Variants in TEX22 observed in about 807,000 individuals in gnomAD.
TEX22 encodes the protein testis-expressed protein 22.
TEX22 carries 16 observed loss-of-function variants against 11.3 expected under a neutral mutation model. The ratio of observed to expected loss-of-function variants is 1.42; its 90% CI spans 0.96 to 2.15. The LOEUF (loss-of-function observed/expected upper bound fraction) is 2.15, where lower values mean the gene tolerates loss of function less well. TEX22 is among the 30% of genes most tolerant of loss of function. TEX22 has a pLI of 0.00. For synonymous variants in TEX22, 97 were observed against 92.3 expected, an observed-to-expected ratio of 1.05 and a Z score of -0.29; for missense variants, 220 against 208.6, an observed-to-expected ratio of 1.05 and a Z score of -0.34.
intron 2 of TEX22, 43 bp from the exon 3 acceptor site, chr14:105,411,325 G>A: frequency 7.9e-7 from 1 of 1,270,250 alleles, no homozygotes; most frequent in Non-Finnish European, 9.9e-7. Flanking sequence ...GCGAAGGGGA[G>A]CTGGCGCCGA....
intron 3 of TEX22, 54 bp downstream of exon 3, chr14:105,411,550 G>A (rs1312369416): frequency 1.3e-5 from 6 of 472,972 alleles, no homozygotes; most frequent in Non-Finnish European, 1.2e-5. Context: ...CCGCCCCTCC[G>A]CCTCGCCTCC....
chr14:105,411,246 T>G lies in TEX22; in HGVS notation c.151-122T>G, dbSNP rs1434704160. On this transcript the variant is annotated intron_variant, in intron 2 of 3. Transcript: ENST00000451127. ...AGCTGGCGCTGGAGCAGCGGGAGGC[T>G]GAGCAGACGGCGCTTTAGAAAGCGC... 3.6e-6 allele frequency: 4 copies of G among 1,104,682 alleles called. No homozygotes were observed. The East Asian group carries it at 1.6e-4, about 43-fold the overall frequency. 68.4% of individuals were successfully genotyped at this position (1,104,682 alleles called of 1,614,324 possible).
chr14:105,402,578 C>T (rs587764673), intron 2 of TEX22, among the ~76,000 whole-genome samples: 4 of 151,658 alleles, frequency 2.6e-5, no homozygotes, highest in South Asian at 4.1e-4. Context: ...CACGGTGAAA[C>T]CCCGTCTCTA....
Position 105,399,361 on chromosome 14 carries a change from C to T in TEX22, c.21C>T (p.Ser7=), listed in dbSNP as rs781804069. ...TAGAGATGGACAGCAGGAAACTGTC[C>T]CCCCGGGGGAAGAAGCTGGAGTCGC... MDSRKL[S]PRGKKLESHL... Residue 7 remains serine (S), a synonymous_variant, in exon 2 of 4, where the codon TCC becomes TCT. Transcript: ENST00000451127. The T allele has an allele frequency of 3.3e-6, 5 of 1,535,580 alleles. No homozygotes were observed. The highest frequency in any genetic ancestry group is 1.4e-5 in the African/African-American group (1 of 73,010).
At chr14:105,399,745 A>G (rs587769837) in intron 2 of TEX22, among the ~76,000 whole-genome samples, 1 of 152,310 alleles carries the variant, frequency 6.6e-6, no homozygotes, top group African/African-American at 2.4e-5. Flanking sequence ...TTCCAAGGCC[A>G]GGAAGGAGGC....
Position 105,399,831 on chromosome 14 carries a change from G to A in TEX22, c.150+341G>A, listed in dbSNP as rs146271485. Among the ~76,000 whole-genome samples the A allele has an allele frequency of 7.2e-4, 110 of 152,006 alleles. 2 individuals are homozygous for A. The East Asian group carries it at 0.015, about 21-fold the overall frequency. On this transcript the variant is annotated intron_variant, in intron 2 of 3. Transcript: ENST00000451127. ...AAGGTGGCAAGAAGCGGGAGGGAAA[G>A]CAAGGTCCCCAGGGGGGGTGGTGTC...
intron 2 of TEX22, among the ~76,000 whole-genome samples, chr14:105,402,528 G>C (rs1319941913): frequency 1.3e-5 from 2 of 151,976 alleles, no homozygotes; most frequent in Non-Finnish European, 2.9e-5. Context: ...GCTGGGGCGG[G>C]CAGATCACAA....
At position 105,398,839 on chromosome 14, in the gene TEX22, G is replaced by C. The variant is rs1460818633; in HGVS notation, c.-40+204G>C. Among the ~76,000 whole-genome samples the C allele has an allele frequency of 7.9e-5, 12 of 152,360 alleles. No homozygotes were observed. The East Asian group carries it at 2.1e-3, about 27-fold the overall frequency. ...GAGGGCGGGCACGTAAGGGCTCCGG[G>C]CTGGGCCTGGGGCGAGGCCTGGGCC... On this transcript the variant is annotated intron_variant, in intron 1 of 3. Coordinates refer to ENST00000451127, the MANE Select transcript of TEX22 (RefSeq NM_001195082.2).
intron 2 of TEX22, among the ~76,000 whole-genome samples, chr14:105,402,397 AAATGG>A (rs1185355316): frequency 1.5e-4 from 23 of 152,156 alleles, no homozygotes; most frequent in African/African-American, 2.9e-4. Context: ...AAAAAGCAGA[AAATGG>A]AATGGAAGCA....
chr14:105,407,943 G>A (rs2081667163), intron 2 of TEX22, among the ~76,000 whole-genome samples: 1 of 151,732 alleles, frequency 6.6e-6, no homozygotes, highest in Non-Finnish European at 1.5e-5. Context: ...TGTGTTATGG[G>A]GCTCTATCTG....
At chr14:105,399,641 G>A (rs1185244541) in intron 2 of TEX22, among the ~76,000 whole-genome samples, 151 bp downstream of exon 2, 3 of 152,360 alleles carry the variant, frequency 2.0e-5, no homozygotes, top group East Asian at 3.9e-4. Context: ...GGACTCAGGA[G>A]GCTCTCTTCC....
intron 2 of TEX22, among the ~76,000 whole-genome samples, chr14:105,404,749 T>TA (rs2081650164): frequency 6.6e-6 from 1 of 151,896 alleles, no homozygotes; most frequent in Admixed American, 6.6e-5. Flanking sequence ...TTTTAAATGA[T>TA]AAAAAAGAGA....
chr14:105,413,582 C>G lies in TEX22; in HGVS notation c.*1749C>G. 6.6e-6 allele frequency: 1 copy of G among 152,372 alleles called. No homozygotes were observed. The highest frequency in any genetic ancestry group is 1.9e-4 in the East Asian group (1 of 5,198). The allele number at this position is 152,372 out of a possible 1,614,324, so 9.4% of individuals were successfully genotyped here. ...TGCTGGTGATGCTGGGATGGTTGCC[C>G]TCTCTGCTCCATGAGGTCTCCCTAC... On this transcript the variant is annotated 3_prime_UTR_variant, in exon 4 of 4. Coordinates refer to ENST00000451127, the MANE Select transcript of TEX22 (RefSeq NM_001195082.2). This position sits in a 1 kb window ranked among gnomAD's most constrained non-coding sequence, Gnocchi z 4.2.
In TEX22 at chr14:105,411,445, G is replaced by C. The variant is rs995570953; in HGVS notation, c.228G>C (p.Thr76=). ...VSIDERRRLA[T]LGGRERPGAA... is the part of the protein sequence containing the mutation. ...TCGACGAGCGCCGGCGGCTGGCCAC[G>C]CTGGGCGGCCGGGAGAGGCCGGGCG... Residue 76 remains threonine, a synonymous_variant, in exon 3 of 4, where the codon ACG becomes ACC. Coordinates refer to ENST00000451127, the MANE Select transcript of TEX22 (RefSeq NM_001195082.2). The C allele has an allele frequency of 5.6e-6, 7 of 1,239,986 alleles. No individual in the cohort carries two copies. The highest frequency in any genetic ancestry group is 7.0e-6 in the Non-Finnish European group (7 of 996,068). 76.8% of individuals were successfully genotyped at this position (1,239,986 alleles called of 1,614,324 possible).
At position 105,399,385 on chromosome 14, in the gene TEX22, G is replaced by A; in HGVS notation, c.45G>A (p.Ser15=). Residue 15 remains serine, a synonymous_variant, in exon 2 of 4, where the codon TCG becomes TCA. Transcript: ENST00000451127. The part of the protein sequence containing the change: ...KLSPRGKKLE[S]HLSQEHRRPP... ...CCCCCCGGGGGAAGAAGCTGGAGTC[G>A]CACCTCTCCCAAGAGCACAGGCGGC... 5 of 1,535,776 alleles carry A rather than the reference G, an allele frequency of 3.3e-6. No homozygotes were observed. The highest frequency in any genetic ancestry group is 4.4e-6 in the Non-Finnish European group (5 of 1,146,792).
chr14:105,399,622 C>A, intron 2 of TEX22, 132 bp downstream of exon 2: 1 of 1,043,816 alleles, frequency 9.6e-7, no homozygotes, highest in Non-Finnish European at 1.3e-6. Context: ...TGATGAGAAA[C>A]AGATGGCTGG....
At position 105,411,859 on chromosome 14, in the gene TEX22, C is replaced by G; in HGVS notation, c.*26C>G. On this transcript the variant is annotated 3_prime_UTR_variant, in exon 4 of 4. Transcript: ENST00000451127. ...GAGCCCCATTCAGCCCATTGTCTGTCTTCCAGTGCCTTTCCTTGGGGGCCC... is the reference window on the plus strand; with the variant it reads ...GAGCCCCATTCAGCCCATTGTCTGTGTTCCAGTGCCTTTCCTTGGGGGCCC... 1 of 1,376,286 alleles carries G rather than the reference C, an allele frequency of 7.3e-7. No homozygotes were observed. Among genetic ancestry groups the G allele is most frequent in the Non-Finnish European group, 9.4e-7 (1 of 1,061,892 alleles). 85.3% of individuals were successfully genotyped at this position (1,376,286 alleles called of 1,614,324 possible).
chr14:105,402,502 C>G (rs587706186), intron 2 of TEX22, among the ~76,000 whole-genome samples: 1 of 152,082 alleles, frequency 6.6e-6, no homozygotes, highest in South Asian at 2.1e-4. Context: ...CGCCTGTAAT[C>G]CCAGCACTTT....
At chr14:105,402,777 G>C (rs587674354) in intron 2 of TEX22, among the ~76,000 whole-genome samples, 20 of 149,354 alleles carry the variant, frequency 1.3e-4, no homozygotes, top group East Asian at 1.2e-3. Context: ...AAAAAAAAGA[G>C]AAACCTGTTG....
Sources: allele counts gnomAD v4.1 joint callset (sites outside exome capture counted in the v4.1 genomes callset), GRCh38; gene constraint gnomAD v4.1.1; non-coding constraint Gnocchi (gnomAD v3.1); transcripts MANE v1.5; gene names NCBI Gene and HGNC (gene_info 2026-07-23, HGNC 2026-07-21).